SCAPER: variants seen among roughly 807,000 people sequenced by gnomAD.
SCAPER encodes the protein S phase cyclin A-associated protein in the endoplasmic reticulum.
Under a neutral mutation model 182.2 loss-of-function variants are expected in SCAPER, and 98 were observed. That is an observed-to-expected ratio of 0.54 (90% CI 0.46 to 0.64). The LOEUF is 0.64. Among genes scored for constraint, SCAPER ranks in the 30% least tolerant of loss-of-function variants. The probability of loss-of-function intolerance (pLI) is 0.00; values close to 1 mark genes in which losing one functional copy is unlikely to be tolerated. For missense variants in SCAPER, 1,432 were observed against 1,690.0 expected, an observed-to-expected ratio of 0.85 and a Z score of 2.68; for synonymous variants, 605 against 564.6, an observed-to-expected ratio of 1.07 and a Z score of -1.01.
chr15:76,744,083 T>C (rs1328302455), intron 15 of SCAPER, among the ~76,000 whole-genome samples: 1 of 152,170 alleles, frequency 6.6e-6, no homozygotes, highest in Non-Finnish European at 1.5e-5. Flanking sequence ...ACTGGTTAAC[T>C]ATATGCAGAA....
chr15:76,783,566 CAG>C (rs572106633), intron 8 of SCAPER, among the ~76,000 whole-genome samples: 89 of 152,240 alleles, frequency 5.8e-4, no homozygotes, highest in Admixed American at 5.2e-3. Flanking sequence ...GAAAGCCTGA[CAG>C]AGACACAAAA....
At chr15:76,800,434 G>T in intron 6 of SCAPER, 70 bp from the exon 7 acceptor site, 1 of 955,602 alleles carries the variant, frequency 1.0e-6, no homozygotes. Context: ...CTTTTCTCTT[G>T]GTTGTTAGTG....
chr15:76,535,434 A>T (rs1354535844), intron 23 of SCAPER, among the ~76,000 whole-genome samples: 1 of 140,314 alleles, frequency 7.1e-6, no homozygotes, highest in African/African-American at 2.6e-5. Context: ...AGGCAGGAGA[A>T]TGGTGTGAAC....
At chr15:76,574,014 A>G (rs2047641413) in intron 23 of SCAPER, 144 bp downstream of exon 23, 1 of 799,474 alleles carries the variant, frequency 1.3e-6, no homozygotes, top group East Asian at 3.6e-5. Flanking sequence ...ACAAAAGTAA[A>G]AAAAAAAATT....
At chr15:76,872,349 C>G (rs2072786547) in intron 2 of SCAPER, among the ~76,000 whole-genome samples, 1 of 152,062 alleles carries the variant, frequency 6.6e-6, no homozygotes, top group Admixed American at 6.6e-5. Context: ...AGAAGCTCTA[C>G]AAACCCCCAA....
rs2073251025 is a variant in SCAPER, at chr15:76,877,443, T to C, written c.6+6369A>G. Among the ~76,000 whole-genome samples the C allele has an allele frequency of 2.0e-5, 3 of 152,328 alleles. No individual in the cohort carries two copies. The East Asian group carries it at 5.8e-4, about 29-fold the overall frequency. On this transcript the variant is annotated intron_variant, in intron 2 of 31. Transcript: ENST00000563290. ...ACAGTTTGATAAGGTACTGTATATTTACACAGCCTCGAAGTGCTTCTCCAC... is the reference window on the plus strand; with the variant it reads ...ACAGTTTGATAAGGTACTGTATATTCACACAGCCTCGAAGTGCTTCTCCAC...
rs1189200912 is a variant in SCAPER at position 76,765,729 on chromosome 15, T to G, written c.1420-91A>C. ...CTATACATGAAAATGTCCTACCTAT[T>G]GTTAATATATTCTATTTAACCAACA... On this transcript the variant is annotated intron_variant, in intron 11 of 31. Coordinates refer to ENST00000563290, the MANE Select transcript of SCAPER (RefSeq NM_020843.4). The G allele has an allele frequency of 4.8e-6, 5 of 1,036,318 alleles. No individual in the cohort carries two copies. The South Asian group carries it at 5.6e-5, about 12-fold the overall frequency. 64.2% of individuals were successfully genotyped at this position (1,036,318 alleles called of 1,614,324 possible). A position where few individuals can be genotyped will look rare whatever the true frequency, so the allele number is the denominator to read the frequency against.
chr15:76,392,989 GC>G (rs1026226007), intron 27 of SCAPER, among the ~76,000 whole-genome samples: 2 of 152,136 alleles, frequency 1.3e-5, no homozygotes, highest in Non-Finnish European at 2.9e-5. Context: ...ACGAGCTGGG[GC>G]CCAGCCAGTT....
At chr15:76,796,325 C>G (rs2065326178) in intron 7 of SCAPER, among the ~76,000 whole-genome samples, 1 of 152,252 alleles carries the variant, frequency 6.6e-6, no homozygotes, top group South Asian at 2.1e-4. Context: ...CATTTGACAG[C>G]AACTTTACCA....
chr15:76,417,823 T>C (rs982209376), intron 26 of SCAPER, among the ~76,000 whole-genome samples: 80 of 152,252 alleles, frequency 5.3e-4, no homozygotes, highest in Middle Eastern at 3.4e-3. Flanking sequence ...ATCGAGGCCA[T>C]CCTGGCCAAC....
At chr15:76,716,101 G>A (rs909661097) in intron 17 of SCAPER, among the ~76,000 whole-genome samples, 3 of 152,084 alleles carry the variant, frequency 2.0e-5, no homozygotes, top group African/African-American at 7.2e-5. Context: ...GACAAGAACA[G>A]GAAGACCCCT....
intron 22 of SCAPER, among the ~76,000 whole-genome samples, chr15:76,614,251 T>C (rs554291705): frequency 6.6e-6 from 1 of 152,146 alleles, no homozygotes; most frequent in Admixed American, 6.5e-5. Flanking sequence ...TTTTGGAGGA[T>C]GGAGGGTGGG....
At chr15:76,862,671 A>C (rs2071973585) in intron 2 of SCAPER, 138 bp from the exon 3 acceptor site, 1 of 500,120 alleles carries the variant, frequency 2.0e-6, no homozygotes, top group Non-Finnish European at 3.5e-6. Context: ...GGTTAAACAG[A>C]GAAAAGGAAG....
At chr15:76,747,416 C>T (rs1253669084) in intron 15 of SCAPER, among the ~76,000 whole-genome samples, 4 of 152,068 alleles carry the variant, frequency 2.6e-5, no homozygotes, top group South Asian at 4.1e-4. Flanking sequence ...GCAGGAGAAT[C>T]GCCTGGACCC....
chr15:76,447,377 TG>T (rs756163506), intron 25 of SCAPER, among the ~76,000 whole-genome samples: 23 of 152,174 alleles, frequency 1.5e-4, no homozygotes, highest in Non-Finnish European at 3.2e-4. Flanking sequence ...GAAAGGGTCA[TG>T]GGGAACTCTG....
At chr15:76,748,183 T>C (rs1290140543) in intron 15 of SCAPER, among the ~76,000 whole-genome samples, 2 of 151,870 alleles carry the variant, frequency 1.3e-5, no homozygotes. Flanking sequence ...AGAGACGGGG[T>C]TTCTCCATGT....
intron 24 of SCAPER, among the ~76,000 whole-genome samples, chr15:76,480,774 AGGCTG>A (rs1323375081): frequency 6.6e-6 from 1 of 152,032 alleles, no homozygotes; most frequent in African/African-American, 2.4e-5. Flanking sequence ...TCTGTCACCC[AGGCTG>A]GAGTGCAGTG....
intron 21 of SCAPER, among the ~76,000 whole-genome samples, chr15:76,642,533 C>T (rs1257664745): frequency 1.3e-5 from 2 of 152,178 alleles, no homozygotes; most frequent in African/African-American, 2.4e-5. Flanking sequence ...CTACAGTACA[C>T]TGTAATATAA....
At chr15:76,821,823 T>A (rs1384655894) in intron 5 of SCAPER, among the ~76,000 whole-genome samples, 2 of 151,946 alleles carry the variant, frequency 1.3e-5, no homozygotes, top group Non-Finnish European at 2.9e-5. Context: ...GTGGGAGAAT[T>A]TCTTGAACCC....
Sources: allele counts gnomAD v4.1 joint callset (sites outside exome capture counted in the v4.1 genomes callset), GRCh38; gene constraint gnomAD v4.1.1; transcripts MANE v1.5; gene names NCBI Gene and HGNC (gene_info 2026-07-23, HGNC 2026-07-21).